The following PACRG variants were observed in gnomAD, a reference collection of about 807,000 sequenced individuals.
PACRG encodes the protein parkin coregulated gene protein.
Under a neutral mutation model 29.7 loss-of-function variants are expected in PACRG, and 29 were observed. That is an observed-to-expected ratio of 0.98 (90% CI 0.73 to 1.33). The LOEUF (loss-of-function observed/expected upper bound fraction) is 1.33, where lower values mean the gene tolerates loss of function less well. PACRG is among the 40% of genes most tolerant of loss of function. The pLI is 0.00. For missense variants in PACRG, 279 were observed against 316.2 expected, an observed-to-expected ratio of 0.88 and a Z score of 0.89; for synonymous variants, 116 against 118.7, an observed-to-expected ratio of 0.98 and a Z score of 0.15.
chr6:163,255,143 C>T (rs1241710819), intron 4 of PACRG, among the ~76,000 whole-genome samples: 1 of 152,134 alleles, frequency 6.6e-6, no homozygotes, highest in Non-Finnish European at 1.5e-5. Context: ...AGCACCTCTC[C>T]CTAAAACTGG....
At chr6:163,228,379 C>CAAAAAA (rs11362557) in intron 4 of PACRG, among the ~76,000 whole-genome samples, 2 of 68,166 alleles carry the variant, frequency 2.9e-5, no homozygotes, top group African/African-American at 6.0e-5. Flanking sequence ...TTTAAGCAGG[C>CAAAAAA]AAAAAAAAAA....
chr6:163,132,638 G>C (rs1816784837), intron 4 of PACRG, among the ~76,000 whole-genome samples: 1 of 152,142 alleles, frequency 6.6e-6, no homozygotes, highest in Non-Finnish European at 1.5e-5. Context: ...ACAGAGCCAG[G>C]AAAAGACCCT....
At chr6:163,063,096 T>C (rs1239714394) in intron 3 of PACRG, among the ~76,000 whole-genome samples, 1 of 152,112 alleles carries the variant, frequency 6.6e-6, no homozygotes, top group South Asian at 2.1e-4. Context: ...CCTCTCACCC[T>C]CACCAGCACA....
At chr6:162,892,605 C>G (rs143161499) in intron 2 of PACRG, among the ~76,000 whole-genome samples, 1,786 of 152,286 alleles carry the variant, frequency 0.012, 29 homozygotes, top group African/African-American at 0.041. Context: ...CACCTGGATG[C>G]TCATGCCGCA....
At chr6:163,107,174 T>C (rs1226493310) in intron 4 of PACRG, among the ~76,000 whole-genome samples, 3 of 152,042 alleles carry the variant, frequency 2.0e-5, no homozygotes, top group South Asian at 4.1e-4. Context: ...GGTAGAGAGA[T>C]TAAAACCTAA....
At chr6:162,897,483 A>G (rs1255960812) in intron 2 of PACRG, among the ~76,000 whole-genome samples, 1 of 152,216 alleles carries the variant, frequency 6.6e-6, no homozygotes, top group East Asian at 1.9e-4. Context: ...CAGCTGGTAT[A>G]GAGATTTATT....
intron 4 of PACRG, among the ~76,000 whole-genome samples, chr6:163,111,567 A>T (rs145347256): frequency 6.6e-6 from 1 of 152,222 alleles, no homozygotes; most frequent in African/African-American, 2.4e-5. Flanking sequence ...AATTAAGTAC[A>T]TTCAAGGAGG....
At chr6:163,173,191 C>T (rs968544219) in intron 4 of PACRG, among the ~76,000 whole-genome samples, 1 of 152,126 alleles carries the variant, frequency 6.6e-6, no homozygotes, top group Non-Finnish European at 1.5e-5. Context: ...TTTTCTTTAT[C>T]CCTCTCTGTT....
chr6:162,960,645 C>T (rs188147899), intron 2 of PACRG, among the ~76,000 whole-genome samples: 1 of 152,242 alleles, frequency 6.6e-6, no homozygotes, highest in East Asian at 1.9e-4. Flanking sequence ...AAAAAACTAC[C>T]TATTGGGTAC....
intron 2 of PACRG, among the ~76,000 whole-genome samples, chr6:162,997,191 A>T (rs985405972): frequency 5.9e-5 from 9 of 152,208 alleles, no homozygotes; most frequent in Non-Finnish European, 8.8e-5. Context: ...TGTCATGCTC[A>T]ATTTTAATTT....
At chr6:163,290,032 A>ACT (rs1784534068) in intron 4 of PACRG, among the ~76,000 whole-genome samples, 2 of 151,890 alleles carry the variant, frequency 1.3e-5, no homozygotes. Context: ...TTTTTAGTAG[A>ACT]GACTGGGTTG....
At chr6:163,002,422 A>G (rs1269911753) in intron 2 of PACRG, among the ~76,000 whole-genome samples, 2 of 152,158 alleles carry the variant, frequency 1.3e-5, no homozygotes, top group African/African-American at 2.4e-5. Context: ...TATATATACA[A>G]ATAGAAGGTG....
intron 4 of PACRG, among the ~76,000 whole-genome samples, chr6:163,159,918 T>C (rs1778485468): frequency 6.6e-6 from 1 of 152,142 alleles, no homozygotes; most frequent in African/African-American, 2.4e-5. Context: ...TCCTGCCTCC[T>C]TCCAGGATGG....
At chr6:162,977,560 C>T (rs1177771821) in intron 2 of PACRG, among the ~76,000 whole-genome samples, 1 of 152,024 alleles carries the variant, frequency 6.6e-6, no homozygotes, top group Admixed American at 6.6e-5. Flanking sequence ...CCACCCTTCT[C>T]CGACTGACCA....
chr6:163,147,953 C>T (rs974417662), intron 4 of PACRG, among the ~76,000 whole-genome samples: 19 of 152,160 alleles, frequency 1.2e-4, no homozygotes, highest in Admixed American at 8.5e-4. Context: ...TTCAATCCTC[C>T]GTGCTGCCTC....
At chr6:162,819,206 A>G (rs1443535547) in intron 2 of PACRG, among the ~76,000 whole-genome samples, 1 of 152,104 alleles carries the variant, frequency 6.6e-6, no homozygotes, top group Non-Finnish European at 1.5e-5. Context: ...GGTGGCCTCT[A>G]CTCACTGCCA....
chr6:162,976,918 A>T (rs1339852098), intron 2 of PACRG, among the ~76,000 whole-genome samples: 1 of 152,160 alleles, frequency 6.6e-6, no homozygotes, highest in African/African-American at 2.4e-5. Flanking sequence ...ACGCAAAATG[A>T]AAGTGGTTTT....
intron 2 of PACRG, among the ~76,000 whole-genome samples, chr6:162,952,465 A>G (rs1433846759): frequency 6.6e-6 from 1 of 152,230 alleles, no homozygotes; most frequent in African/African-American, 2.4e-5. Flanking sequence ...GTGGTTCAAT[A>G]GATAAATAGT....
At chr6:162,747,349 TATATATATATATATAC>T (rs1317695675) in intron 1 of PACRG, among the ~76,000 whole-genome samples, 2 of 77,310 alleles carry the variant, frequency 2.6e-5, no homozygotes, top group South Asian at 6.2e-4. Context: ...TATATATATA[TATATATATATATATAC>T]ACATACATAT....
Sources: gnomAD v4.1 joint callset for allele counts (sites outside exome capture counted in the v4.1 genomes callset) on GRCh38, gnomAD v4.1.1 for gene constraint, MANE v1.5 for transcripts, NCBI Gene and HGNC (gene_info 2026-07-23, HGNC 2026-07-21) for gene names.